GRXCR1: variants seen among roughly 807,000 people sequenced by gnomAD.
GRXCR1 encodes glutaredoxin domain-containing cysteine-rich protein 1.
GRXCR1 carries 27 observed loss-of-function variants against 27.3 expected under a neutral mutation model. The observed-to-expected ratio is 0.99, with a 90% CI of 0.73 to 1.37. The LOEUF (loss-of-function observed/expected upper bound fraction) is 1.37, where lower values mean the gene tolerates loss of function less well. Among genes scored for constraint, GRXCR1 ranks in the 40% most tolerant of loss-of-function variants. GRXCR1 has a pLI of 0.00. For missense variants in GRXCR1, 379 were observed against 354.4 expected, an observed-to-expected ratio of 1.07 and a Z score of -0.56; for synonymous variants, 122 against 131.1, an observed-to-expected ratio of 0.93 and a Z score of 0.47.
At chr4:42,953,352 G>A (rs1476582209) in intron 1 of GRXCR1, among the ~76,000 whole-genome samples, 8 of 152,096 alleles carry the variant, frequency 5.3e-5, no homozygotes, top group African/African-American at 1.9e-4. Flanking sequence ...CTTCCACCCG[G>A]CCCTTGCTCT....
chr4:42,930,339 T>C (rs777061386), intron 1 of GRXCR1, among the ~76,000 whole-genome samples: 1 of 152,016 alleles, frequency 6.6e-6, no homozygotes, highest in Non-Finnish European at 1.5e-5. Flanking sequence ...CAGGACTTTT[T>C]CCCTCTTTCT....
intron 1 of GRXCR1, among the ~76,000 whole-genome samples, chr4:42,921,939 C>A (rs191422836): frequency 2.0e-5 from 3 of 152,122 alleles, no homozygotes; most frequent in Admixed American, 2.0e-4. Context: ...AGGAGAAAAG[C>A]GATTGGAAGT....
At chr4:42,970,937 G>A (rs1038032334) in intron 2 of GRXCR1, among the ~76,000 whole-genome samples, 13 of 151,986 alleles carry the variant, frequency 8.6e-5, no homozygotes, top group African/African-American at 1.9e-4. Context: ...CAATCTCTTC[G>A]TGAATGCATA....
intron 1 of GRXCR1, among the ~76,000 whole-genome samples, chr4:42,909,045 G>A (rs1481682982): frequency 6.6e-6 from 1 of 152,174 alleles, no homozygotes; most frequent in Non-Finnish European, 1.5e-5. Context: ...GGACTTACAT[G>A]CGGGGATGCC....
intron 1 of GRXCR1, among the ~76,000 whole-genome samples, chr4:42,930,201 C>T (rs1747270954): frequency 6.6e-6 from 1 of 151,962 alleles, no homozygotes; most frequent in Admixed American, 6.6e-5. Context: ...GGTTGGGAGA[C>T]TAGGGGAAGG....
intron 3 of GRXCR1, among the ~76,000 whole-genome samples, chr4:43,027,396 CT>C (rs1226586317): frequency 6.6e-6 from 1 of 152,092 alleles, no homozygotes; most frequent in Non-Finnish European, 1.5e-5. Context: ...GAAATTTGTT[CT>C]GACAAGGGGA....
chr4:43,028,863 A>C (rs1268256553), intron 3 of GRXCR1, among the ~76,000 whole-genome samples: 2 of 152,180 alleles, frequency 1.3e-5, no homozygotes, highest in Non-Finnish European at 2.9e-5. Context: ...AAGAGCTTTA[A>C]ATCTCTACAG....
Position 42,998,232 on chromosome 4 carries a change from T to C in GRXCR1, c.628-22122T>C, listed in dbSNP as rs968784601. On this transcript the variant is annotated intron_variant, in intron 2 of 3. Coordinates refer to ENST00000399770, the MANE Select transcript of GRXCR1 (RefSeq NM_001080476.3). ...AAATATGTTTCCTATCACTTAACTC[T>C]GCTCTGTTGAAAAACATCAGCAAAT... Among the ~76,000 whole-genome samples the C allele has an allele frequency of 2.6e-5, 4 of 152,346 alleles. No homozygotes were observed. The South Asian group carries it at 8.3e-4, about 32-fold the overall frequency.
rs1438242785 is a variant in GRXCR1 at position 42,903,325 on chromosome 4, T to A, written c.384+9675T>A. ...CTTTGTAGATTTTTTTTTTTTTTTT[T>A]TTTTTTTTTTTAGACGGAGTCTCTC... On this transcript the variant is annotated intron_variant, in intron 1 of 3. Transcript: ENST00000399770. Among the ~76,000 whole-genome samples, 5 of 133,800 alleles carry A rather than the reference T, an allele frequency of 3.7e-5. 1 individual carries two copies. Among genetic ancestry groups the A allele is most frequent in the African/African-American group, 5.4e-5 (2 of 36,762 alleles). The allele number at this position is 133,800 out of a possible 152,430, so 87.8% of individuals were successfully genotyped here. A position where few individuals can be genotyped will look rare whatever the true frequency, so the allele number is the denominator to read the frequency against.
intron 1 of GRXCR1, among the ~76,000 whole-genome samples, chr4:42,906,186 GT>G (rs1039621699): frequency 2.0e-5 from 3 of 152,128 alleles, no homozygotes; most frequent in African/African-American, 7.2e-5. Context: ...CTGGTGAACA[GT>G]TTTTCATTAA....
intron 2 of GRXCR1, among the ~76,000 whole-genome samples, chr4:43,016,615 C>T (rs901533018): frequency 2.1e-5 from 3 of 139,902 alleles, no homozygotes; most frequent in African/African-American, 5.5e-5. Context: ...TCCTCAGTAA[C>T]GGGAAGCAGT....
chr4:42,915,411 A>G (rs768437063), intron 1 of GRXCR1, among the ~76,000 whole-genome samples: 1 of 152,172 alleles, frequency 6.6e-6, no homozygotes, highest in African/African-American at 2.4e-5. Flanking sequence ...TTTGGAATCA[A>G]TTAGGGTGTG....
Position 42,922,298 on chromosome 4 carries a change from C to G in GRXCR1, c.384+28648C>G, listed in dbSNP as rs556386474. On this transcript the variant is annotated intron_variant, in intron 1 of 3. Transcript: ENST00000399770. ...GTGGCCCAAGGCCTTCTGTCCTTCT[C>G]TCTCTAGCCCTAGGTCTGTCTCACA... Among the ~76,000 whole-genome samples the G allele has an allele frequency of 2.6e-5, 4 of 152,208 alleles. No homozygotes were observed. In the East Asian group the frequency reaches 5.8e-4, roughly 22 times the overall value.
At chr4:42,983,769 C>A (rs1311693676) in intron 2 of GRXCR1, among the ~76,000 whole-genome samples, 1 of 150,728 alleles carries the variant, frequency 6.6e-6, no homozygotes, top group Non-Finnish European at 1.5e-5. Flanking sequence ...CTTTTTTATT[C>A]TTTTTTCTTT....
chr4:42,977,995 G>A (rs1196522750), intron 2 of GRXCR1, among the ~76,000 whole-genome samples: 2 of 151,986 alleles, frequency 1.3e-5, no homozygotes, highest in Non-Finnish European at 2.9e-5. Flanking sequence ...TGTATGACAA[G>A]GGTTTAATTT....
intron 1 of GRXCR1, among the ~76,000 whole-genome samples, chr4:42,959,740 G>C (rs1748089175): frequency 6.6e-6 from 1 of 151,828 alleles, no homozygotes; most frequent in South Asian, 2.1e-4. Context: ...TCTGGGGCGA[G>C]GCCTGTGATT....
In GRXCR1 at chr4:43,002,379, G is replaced by A. The variant is rs531903858; in HGVS notation, c.628-17975G>A. On this transcript the variant is annotated intron_variant, in intron 2 of 3. Transcript: ENST00000399770. The stretch of plus-strand genomic sequence containing the variant: ...TGGTTTATTGAGACTAGAGAATGGC[G>A]ATGACCTTTATCAAGTATACTGCCT... 2.0e-4 allele frequency among the ~76,000 whole-genome samples: 31 copies of A among 152,312 alleles called. No homozygotes were observed. The South Asian group carries it at 3.1e-3, about 15-fold the overall frequency.
chr4:43,010,196 C>A (rs920066950), intron 2 of GRXCR1, among the ~76,000 whole-genome samples: 2 of 151,964 alleles, frequency 1.3e-5, no homozygotes, highest in Non-Finnish European at 2.9e-5. Context: ...GAGGTCAGGA[C>A]TTCGAGACCA....
intron 3 of GRXCR1, among the ~76,000 whole-genome samples, chr4:43,028,033 TG>T (rs1454479293): frequency 6.6e-6 from 1 of 151,352 alleles, no homozygotes; most frequent in East Asian, 1.9e-4. Flanking sequence ...CACTTGAACC[TG>T]GGAGGAGGAG....
Sources: gnomAD v4.1 joint callset for allele counts (sites outside exome capture counted in the v4.1 genomes callset) on GRCh38, gnomAD v4.1.1 for gene constraint, MANE v1.5 for transcripts, NCBI Gene and HGNC (gene_info 2026-07-23, HGNC 2026-07-21) for gene names.